MPP7: variants seen among roughly 807,000 people sequenced by gnomAD.
MPP7 encodes MAGUK p55 scaffold protein 7, also known as MAGUK p55 subfamily member 7.
A neutral mutation model predicts 76.5 loss-of-function variants in MPP7; 60 were observed. That is an observed-to-expected ratio of 0.78 (90% CI 0.64 to 0.97). The LOEUF (loss-of-function observed/expected upper bound fraction) is 0.97. Ranked by LOEUF, MPP7 falls within the 50% of genes least tolerant of loss-of-function variation. MPP7 has a pLI of 0.00. For synonymous variants in MPP7, 237 were observed against 244.5 expected (o/e 0.97, Z 0.29); for missense variants, 641 against 694.0 (o/e 0.92, Z 0.86).
At chr10:28,178,737 G>T (rs941534021) in intron 3 of MPP7, among the ~76,000 whole-genome samples, 1 of 152,066 alleles carries the variant, frequency 6.6e-6, no homozygotes, top group African/African-American at 2.4e-5. Context: ...ACTTTGAAAA[G>T]TTCATGGAAC....
intron 2 of MPP7, among the ~76,000 whole-genome samples, chr10:28,311,759 TACACACACAC>T (rs112717112): frequency 1.3e-5 from 2 of 148,618 alleles, no homozygotes; most frequent in Non-Finnish European, 3.0e-5. Context: ...GATGTGTTAA[TACACACACAC>T]ACACACACAC....
At chr10:28,231,235 A>C (rs1838872990) in intron 2 of MPP7, among the ~76,000 whole-genome samples, 1 of 151,986 alleles carries the variant, frequency 6.6e-6, no homozygotes, top group Admixed American at 6.5e-5. Flanking sequence ...AATCAATTAC[A>C]AAAATTCTAA....
At chr10:28,308,536 G>C (rs191203525) in intron 2 of MPP7, among the ~76,000 whole-genome samples, 44 of 152,116 alleles carry the variant, frequency 2.9e-4, no homozygotes, top group Non-Finnish European at 5.6e-4. Flanking sequence ...TTTTGGGTGA[G>C]GCACTTTTAA....
intron 3 of MPP7, among the ~76,000 whole-genome samples, chr10:28,185,026 T>A (rs1250141645): frequency 6.8e-6 from 1 of 147,786 alleles, no homozygotes; most frequent in Admixed American, 6.8e-5. Flanking sequence ...ATATAGTATT[T>A]ATAATCATAA....
At chr10:28,320,531 AG>A (rs1834358795) in intron 2 of MPP7, among the ~76,000 whole-genome samples, 1 of 152,184 alleles carries the variant, frequency 6.6e-6, no homozygotes, top group African/African-American at 2.4e-5. Flanking sequence ...GATAGTGAAA[AG>A]AGGACCTTTA....
intron 2 of MPP7, among the ~76,000 whole-genome samples, chr10:28,320,741 C>T (rs1408631664): frequency 1.3e-5 from 2 of 151,942 alleles, no homozygotes; most frequent in Admixed American, 6.6e-5. Context: ...TCAGTTTTCA[C>T]TAATTTAGAA....
At chr10:28,101,234 T>G (rs1052284701) in intron 11 of MPP7, among the ~76,000 whole-genome samples, 3 of 152,160 alleles carry the variant, frequency 2.0e-5, no homozygotes, top group Non-Finnish European at 4.4e-5. Flanking sequence ...CCTCTAAGTG[T>G]TCCCTATGCA....
At position 28,071,497 on chromosome 10, in the gene MPP7, A is replaced by C. The variant is rs370824792; in HGVS notation, c.1124-1645T>G. On this transcript the variant is annotated intron_variant, in intron 12 of 16. Transcript: ENST00000683449. ...CTCTGGCAACTTTCCCTTTTCTGTA[A>C]GACAGCAACTCTCAATTCTCCCTCT... Among the ~76,000 whole-genome samples the C allele has an allele frequency of 3.8e-4, 58 of 152,282 alleles. 1 individual carries two copies. Among genetic ancestry groups the C allele is most frequent in the African/African-American group, 1.4e-3 (57 of 41,556 alleles).
At chr10:28,274,538 A>G (rs1245793780) in intron 1 of MPP7, among the ~76,000 whole-genome samples, 3 of 152,194 alleles carry the variant, frequency 2.0e-5, no homozygotes, top group Non-Finnish European at 4.4e-5. Flanking sequence ...AAATTTACCA[A>G]TTTTCTGATA....
At chr10:28,054,943 T>C (rs1310802098) in intron 16 of MPP7, among the ~76,000 whole-genome samples, 1 of 152,202 alleles carries the variant, frequency 6.6e-6, no homozygotes. Context: ...CCTCCCAAAG[T>C]GCTGGGATTA....
At chr10:28,226,848 T>A (rs1462275979) in intron 2 of MPP7, among the ~76,000 whole-genome samples, 3 of 152,184 alleles carry the variant, frequency 2.0e-5, no homozygotes, top group Admixed American at 2.0e-4. Context: ...ACACAAATAT[T>A]ATGCACTGAT....
intron 1 of MPP7, among the ~76,000 whole-genome samples, chr10:28,334,159 C>T (rs186207857): frequency 1.4e-4 from 21 of 151,970 alleles, no homozygotes; most frequent in Admixed American, 1.0e-3. Context: ...CAAGATCATG[C>T]CACTGCACTC....
intron 1 of MPP7, among the ~76,000 whole-genome samples, chr10:28,239,269 CT>C (rs1242978876): frequency 4.6e-5 from 7 of 151,832 alleles, no homozygotes; most frequent in African/African-American, 1.7e-4. Flanking sequence ...CCCCAGGCTC[CT>C]GAGGAGCTGG....
intron 3 of MPP7, among the ~76,000 whole-genome samples, chr10:28,196,184 A>G (rs576082609): frequency 2.6e-5 from 4 of 152,118 alleles, no homozygotes; most frequent in Admixed American, 6.5e-5. Flanking sequence ...CCTCAGTTCA[A>G]TATTCACATA....
intron 13 of MPP7, among the ~76,000 whole-genome samples, chr10:28,062,663 G>A (rs150783940): frequency 1.1e-4 from 17 of 151,064 alleles, no homozygotes; most frequent in East Asian, 3.9e-4. Context: ...TCATCTCAAC[G>A]TATGCAAAGA....
At chr10:28,075,699 G>C (rs753855563) in intron 12 of MPP7, among the ~76,000 whole-genome samples, 23 of 152,106 alleles carry the variant, frequency 1.5e-4, no homozygotes, top group Non-Finnish European at 3.2e-4. Flanking sequence ...TGTTGTTTAA[G>C]ATTCAGCTCA....
At chr10:28,235,766 T>C (rs937814336) in intron 2 of MPP7, among the ~76,000 whole-genome samples, 6 of 152,148 alleles carry the variant, frequency 3.9e-5, no homozygotes, top group Non-Finnish European at 7.4e-5. Context: ...ACAGAAAAGA[T>C]TGATTTGACT....
chr10:28,216,081 T>C lies in MPP7; in HGVS notation c.38-13810A>G, dbSNP rs1316902999. Among the ~76,000 whole-genome samples the C allele has an allele frequency of 7.9e-5, 12 of 152,042 alleles. No individual in the cohort carries two copies. The East Asian group carries it at 1.6e-3, about 20-fold the overall frequency. ...TCACACCTGCCGCACCCTCCCCCAA[T>C]TGACCTTTGGCCAGGCACAGTGACT... is the stretch of plus-strand genomic sequence containing the variant. On this transcript the variant is annotated intron_variant, in intron 2 of 16. Transcript: ENST00000683449.
At chr10:28,166,476 C>T (rs1368566158) in intron 3 of MPP7, among the ~76,000 whole-genome samples, 5 of 141,830 alleles carry the variant, frequency 3.5e-5, no homozygotes, top group Non-Finnish European at 6.0e-5. Flanking sequence ...GGTGCAATCT[C>T]GGCTCACCGC....
Sources: allele counts gnomAD v4.1 joint callset (sites outside exome capture counted in the v4.1 genomes callset), GRCh38; gene constraint gnomAD v4.1.1; transcripts MANE v1.5; gene names NCBI Gene and HGNC (gene_info 2026-07-23, HGNC 2026-07-21).